Variants in SLC35B4 observed in about 807,000 individuals in gnomAD.
SLC35B4 encodes the protein solute carrier family 35 member B4, also known as nucleotide sugar transporter SLC35B4.
Under a neutral mutation model 39.5 loss-of-function variants are expected in SLC35B4, and 28 were observed. The observed-to-expected ratio is 0.71, with a 90% CI of 0.53 to 0.97. The LOEUF (loss-of-function observed/expected upper bound fraction) is 0.97. Ranked by LOEUF, SLC35B4 falls within the 50% of genes least tolerant of loss-of-function variation. The probability of loss-of-function intolerance (pLI) is 0.00; values close to 1 mark genes in which losing one functional copy is unlikely to be tolerated. For missense variants in SLC35B4, 334 were observed against 414.3 expected, an observed-to-expected ratio of 0.81 and a Z score of 1.68; for synonymous variants, 145 against 150.4, an observed-to-expected ratio of 0.96 and a Z score of 0.26.
chr7:134,299,176 G>A (rs1236130269), intron 8 of SLC35B4: 1 of 189,618 alleles, frequency 5.3e-6, no homozygotes, highest in East Asian at 1.5e-4. Flanking sequence ...GCAGTTGAGA[G>A]AGCTGGACGG....
At chr7:134,297,722 A>AT (rs1803497931) in intron 8 of SLC35B4, among the ~76,000 whole-genome samples, 1 of 152,236 alleles carries the variant, frequency 6.6e-6, no homozygotes, top group Non-Finnish European at 1.5e-5. Context: ...GGAACTGTGA[A>AT]TAACTTTAAA....
intron 9 of SLC35B4, 47 bp from the exon 10 acceptor site, chr7:134,295,126 G>T: frequency 6.3e-7 from 1 of 1,595,280 alleles, no homozygotes; most frequent in Non-Finnish European, 8.5e-7. Flanking sequence ...GTACTTGGGG[G>T]ATCAGTGAGA....
chr7:134,295,938 T>C (rs1803456002), intron 9 of SLC35B4, among the ~76,000 whole-genome samples: 1 of 152,198 alleles, frequency 6.6e-6, no homozygotes, highest in African/African-American at 2.4e-5. Context: ...CAAGCGATTC[T>C]CCTGCCTCAG....
chr7:134,317,083 C>T (rs913422438), upstream of SLC35B4: 2 of 275,764 alleles, frequency 7.3e-6, no homozygotes, highest in African/African-American at 4.4e-5. Flanking sequence ...GACAGGGGGA[C>T]GAGGTGCCCG....
intron 3 of SLC35B4, among the ~76,000 whole-genome samples, chr7:134,306,374 G>T (rs934247553): frequency 4.3e-4 from 66 of 152,204 alleles, no homozygotes; most frequent in Middle Eastern, 3.4e-3. Flanking sequence ...TAGCATGTTT[G>T]AATATAAAAT....
chr7:134,301,772 C>G lies in SLC35B4; in HGVS notation c.476G>C (p.Trp159Ser). The part of the protein sequence containing the change: ...SENDGFQAFV[W>S]WLLGIGALTF... ...ATTATTGTACTTGCCTAGTAACCAC[C>G]ACACAAATGCCTGGAATCCATCATT... The change falls in exon 6 of 10, where the codon TGG becomes TCG. Residue 159 changes from tryptophan to serine, a missense_variant. By Grantham distance (177) the Trp-to-Ser change is radical. Coordinates refer to ENST00000378509, the MANE Select transcript of SLC35B4 (RefSeq NM_032826.5). The G allele has an allele frequency of 6.2e-7, 1 of 1,613,934 alleles. No individual in the cohort carries two copies. Among genetic ancestry groups the G allele is most frequent in the Non-Finnish European group, 8.5e-7 (1 of 1,179,888 alleles).
chr7:134,309,556 A>T (rs1469427049), intron 1 of SLC35B4, 77 bp from the exon 2 acceptor site: 2 of 921,016 alleles, frequency 2.2e-6, no homozygotes, highest in African/African-American at 3.3e-5. Flanking sequence ...TTCTAATTAG[A>T]GGGCCAGAAT....
chr7:134,300,666 G>A (rs923133376), intron 6 of SLC35B4, among the ~76,000 whole-genome samples: 9 of 152,056 alleles, frequency 5.9e-5, no homozygotes, highest in Non-Finnish European at 1.3e-4. Flanking sequence ...TAAAATCAAT[G>A]TACATCCTTG....
intron 8 of SLC35B4, 104 bp from the exon 9 acceptor site, chr7:134,296,570 T>A: frequency 1.3e-6 from 1 of 740,756 alleles, no homozygotes; most frequent in Non-Finnish European, 2.3e-6. Context: ...AACAGCAACA[T>A]TGTCTTCCTT....
chr7:134,319,817 CTT>C (rs1804065539), upstream of SLC35B4, among the ~76,000 whole-genome samples: 1 of 152,192 alleles, frequency 6.6e-6, no homozygotes, highest in Non-Finnish European at 1.5e-5. Flanking sequence ...CGGTCTTCCT[CTT>C]TTTTCCACTG....
upstream of SLC35B4, among the ~76,000 whole-genome samples, chr7:134,318,520 G>A (rs1804046125): frequency 6.6e-6 from 1 of 151,648 alleles, no homozygotes; most frequent in Non-Finnish European, 1.5e-5. Context: ...GTATATAATA[G>A]TACCAGTTCT....
upstream of SLC35B4, among the ~76,000 whole-genome samples, chr7:134,317,539 CCCTT>C (rs558913307): frequency 1.7e-3 from 262 of 152,312 alleles, 1 homozygote; most frequent in African/African-American, 6.1e-3. Context: ...TTAAGGTACT[CCCTT>C]CCTTTACCTC....
chr7:134,298,192 G>A (rs1803507975), intron 8 of SLC35B4, among the ~76,000 whole-genome samples: 1 of 152,148 alleles, frequency 6.6e-6, no homozygotes, highest in South Asian at 2.1e-4. Flanking sequence ...GGATCAGTGG[G>A]CAATGCCAAT....
chr7:134,296,466 T>C lies in SLC35B4; in HGVS notation c.674A>G (p.Glu225Gly). The change falls in exon 9 of 10, where the codon GAG (glutamate) becomes GGG (glycine). Residue 225 changes from glutamate to glycine, a missense_variant and splice_region_variant. Physicochemically the swap from Glu to Gly is moderately conservative, Grantham distance 98. Transcript: ENST00000378509. ...YDHAVLFNKS[E>G]LYEIPVIGVT... ...TCCGATGACGGGAATTTCATATAAC[T>C]CTGTAGAGGTTACAAGAGGATATAG... The C allele has an allele frequency of 6.2e-7, 1 of 1,612,210 alleles. No individual in the cohort carries two copies.
At chr7:134,303,142 T>G (rs973978626) in intron 4 of SLC35B4, among the ~76,000 whole-genome samples, 4 of 152,156 alleles carry the variant, frequency 2.6e-5, no homozygotes, top group African/African-American at 9.7e-5. Flanking sequence ...AAGTTACTAA[T>G]TTACTCTGTT....
rs776148150 is a variant in SLC35B4, at chr7:134,295,093, G to A, written c.750-14C>T. 1.3e-5 allele frequency: 21 copies of A among 1,612,890 alleles called. No individual in the cohort carries two copies. The highest frequency in any genetic ancestry group is 1.7e-5 in the Non-Finnish European group (20 of 1,179,536). On this transcript the variant is annotated splice_polypyrimidine_tract_variant and intron_variant, in intron 9 of 9. Coordinates refer to ENST00000378509, the MANE Select transcript of SLC35B4 (RefSeq NM_032826.5). Reference sequence around the variant, plus strand: ...ATGCACACGTACCTGGAGGAGTGGAGTCAAGGTAGTTTTCTGTAGACTGTA... The same window carrying A: ...ATGCACACGTACCTGGAGGAGTGGAATCAAGGTAGTTTTCTGTAGACTGTA...
intron 1 of SLC35B4, among the ~76,000 whole-genome samples, chr7:134,313,909 A>G (rs896348160): frequency 6.6e-6 from 1 of 152,198 alleles, no homozygotes; most frequent in Non-Finnish European, 1.5e-5. Flanking sequence ...CTGTAACACA[A>G]GAAGTGGAGA....
At chr7:134,304,903 AAAC>A (rs1563217030) in intron 3 of SLC35B4, 49 bp from the exon 4 acceptor site, 5 of 1,433,648 alleles carry the variant, frequency 3.5e-6, no homozygotes, top group Non-Finnish European at 4.9e-6. Flanking sequence ...ACTAGGAAAA[AAAC>A]AACGTAATTC....
At chr7:134,313,823 A>G (rs1803906364) in intron 1 of SLC35B4, among the ~76,000 whole-genome samples, 1 of 152,240 alleles carries the variant, frequency 6.6e-6, no homozygotes, top group Non-Finnish European at 1.5e-5. Flanking sequence ...GTCCCAAGAT[A>G]AAGTCACAAA....
Sources: allele counts gnomAD v4.1 joint callset (sites outside exome capture counted in the v4.1 genomes callset), GRCh38; gene constraint gnomAD v4.1.1; transcripts MANE v1.5; gene names NCBI Gene and HGNC (gene_info 2026-07-23, HGNC 2026-07-21).